Variants in VPS37A observed in about 807,000 individuals in gnomAD.
VPS37A encodes VPS37A subunit of ESCRT-I, also known as vacuolar protein sorting-associated protein 37A.
In VPS37A, 30 loss-of-function variants were observed where a neutral mutation model predicts 49.8. The ratio of observed to expected loss-of-function variants is 0.60; its 90% CI spans 0.45 to 0.82. The LOEUF (loss-of-function observed/expected upper bound fraction) is 0.82, where lower values mean the gene tolerates loss of function less well. Among genes scored for constraint, VPS37A ranks in the 40% least tolerant of loss-of-function variants. VPS37A has a pLI of 0.00. For missense variants in VPS37A, 593 were observed against 464.4 expected (o/e 1.28, Z -2.55); for synonymous variants, 195 against 160.6 (o/e 1.21, Z -1.62).
At chr8:17,247,574 C>G in intron 1 of VPS37A, 1 of 747,804 alleles carries the variant, frequency 1.3e-6, no homozygotes, top group South Asian at 1.5e-5. Flanking sequence ...TGCCGCACCA[C>G]TGCTCAGCGC....
chr8:17,305,780 G>T, downstream of VPS37A: 1 of 1,612,604 alleles, frequency 6.2e-7, no homozygotes, highest in Non-Finnish European at 8.5e-7. Context: ...TCTCCTTTTG[G>T]CTGTTACATA....
intron 4 of VPS37A, among the ~76,000 whole-genome samples, chr8:17,273,988 A>T (rs1814260979): frequency 6.6e-6 from 1 of 152,180 alleles, no homozygotes; most frequent in Non-Finnish European, 1.5e-5. Context: ...TCACTGTATT[A>T]TTCATATATT....
intron 4 of VPS37A, among the ~76,000 whole-genome samples, chr8:17,272,971 A>G (rs997694606): frequency 2.8e-5 from 4 of 142,092 alleles, no homozygotes. Flanking sequence ...AAATATATAT[A>G]GTATTGTATT....
chr8:17,275,502 C>T (rs1814434713), intron 5 of VPS37A, among the ~76,000 whole-genome samples: 2 of 152,120 alleles, frequency 1.3e-5, no homozygotes, highest in Admixed American at 6.5e-5. Context: ...GTAGATCTCT[C>T]TGGCTGCCAT....
At chr8:17,250,303 A>C (rs961165763) in intron 1 of VPS37A, among the ~76,000 whole-genome samples, 1 of 152,178 alleles carries the variant, frequency 6.6e-6, no homozygotes, top group African/African-American at 2.4e-5. Flanking sequence ...GAGCCCCAAT[A>C]CTGGCAATAT....
In VPS37A at chr8:17,284,368, G is replaced by A; in HGVS notation, c.970-105G>A. Reference sequence around the variant, plus strand: ...ATTTTCTCAAAAAGAGGCTATATAGGGCATATAATAAATTGCCTCTCCATA... The same window carrying A: ...ATTTTCTCAAAAAGAGGCTATATAGAGCATATAATAAATTGCCTCTCCATA... On this transcript the variant is annotated intron_variant, in intron 9 of 11. Coordinates refer to ENST00000324849, the MANE Select transcript of VPS37A (RefSeq NM_152415.3). The A allele has an allele frequency of 5.3e-6, 7 of 1,313,308 alleles. No individual in the cohort carries two copies. In the South Asian group the frequency reaches 1.2e-4, roughly 22 times the overall value. The allele number at this position is 1,313,308 out of a possible 1,614,324, so 81.4% of individuals were successfully genotyped here.
At chr8:17,319,131 G>A in the VPS37A span, among the ~76,000 whole-genome samples, 1 of 152,210 alleles carries the variant, frequency 6.6e-6, no homozygotes, top group South Asian at 2.1e-4. Flanking sequence ...ATGGGCAATA[G>A]CACGTAGCAA....
the VPS37A span, among the ~76,000 whole-genome samples, chr8:17,333,106 G>GC: frequency 7.2e-5 from 11 of 152,252 alleles, no homozygotes; most frequent in Non-Finnish European, 1.3e-4. Flanking sequence ...TTCAATAGCA[G>GC]CCCTGCTCCA....
intron 1 of VPS37A, among the ~76,000 whole-genome samples, chr8:17,251,447 A>G (rs1811963411): frequency 6.6e-6 from 1 of 152,228 alleles, no homozygotes; most frequent in African/African-American, 2.4e-5. Flanking sequence ...AGCACATAGT[A>G]GGCATAGGAC....
chr8:17,276,959 T>C (rs1814571277), intron 6 of VPS37A, among the ~76,000 whole-genome samples: 1 of 152,112 alleles, frequency 6.6e-6, no homozygotes, highest in Non-Finnish European at 1.5e-5. Flanking sequence ...GAACTTTGCT[T>C]CTCTAAAATG....
chr8:17,299,764 C>G (rs1238678061), downstream of VPS37A: 10 of 1,506,824 alleles, frequency 6.6e-6, no homozygotes, highest in Non-Finnish European at 9.0e-6. Context: ...TTCTCAATGA[C>G]ATGCACCATT....
Position 17,247,299 on chromosome 8 carries a change from C to T in VPS37A, c.55C>T (p.Pro19Ser). The T allele has an allele frequency of 6.4e-7, 1 of 1,565,162 alleles. No individual in the cohort carries two copies. Among genetic ancestry groups the T allele is most frequent in the Non-Finnish European group, 8.7e-7 (1 of 1,154,992 alleles). The change falls in exon 1 of 12, where the codon CCC becomes TCC. Residue 19 changes from proline to serine, a missense_variant. Physicochemically the swap from Pro to Ser is moderately conservative, Grantham distance 74 (BLOSUM62 -1). Transcript: ENST00000324849. ...KSASSSAAGSPGGLTSLQQQK... is the reference protein window; with the variant it reads ...KSASSSAAGSSGGLTSLQQQK... ...CGCCTCCTCCTCCGCGGCTGGGTCC[C>T]CCGGTGGCCTCACCAGCCTCCAGCA...
downstream of VPS37A, among the ~76,000 whole-genome samples, chr8:17,302,597 T>C (rs1004277330): frequency 2.0e-5 from 3 of 151,242 alleles, no homozygotes; most frequent in African/African-American, 4.9e-5. Flanking sequence ...GTTTTGAACT[T>C]TGAAATTGTA....
chr8:17,266,028 T>C (rs775376893), intron 2 of VPS37A, 47 bp downstream of exon 2: 2 of 1,508,048 alleles, frequency 1.3e-6, no homozygotes, highest in Non-Finnish European at 1.8e-6. Flanking sequence ...GACTTAACAG[T>C]TTTTTTATTG....
At chr8:17,286,140 T>A (rs1815563583) in intron 10 of VPS37A, among the ~76,000 whole-genome samples, 1 of 152,152 alleles carries the variant, frequency 6.6e-6, no homozygotes, top group Admixed American at 6.5e-5. Context: ...CCATTCAAAG[T>A]ATTATCTGCT....
chr8:17,254,547 T>G lies in VPS37A; in HGVS notation c.125+7178T>G, dbSNP rs77235166. ...TTTGCATTGACCTGGTTCAAGGGCTTAGAGGACCTTCAAACTGCTCCAAAC... is the reference window on the plus strand; with the variant it reads ...TTTGCATTGACCTGGTTCAAGGGCTGAGAGGACCTTCAAACTGCTCCAAAC... On this transcript the variant is annotated intron_variant, in intron 1 of 11. Coordinates refer to ENST00000324849, the MANE Select transcript of VPS37A (RefSeq NM_152415.3). Among the ~76,000 whole-genome samples the G allele has an allele frequency of 1.6e-3, 248 of 152,306 alleles. 9 individuals are homozygous for G. The East Asian group carries it at 0.046, about 28-fold the overall frequency.
chr8:17,247,126 A>T lies in VPS37A; in HGVS notation c.-119A>T. 7.2e-7 allele frequency: 1 copy of T among 1,385,182 alleles called. No homozygotes were observed. Among genetic ancestry groups the T allele is most frequent in the Non-Finnish European group, 9.9e-7 (1 of 1,015,028 alleles). 85.8% of individuals were successfully genotyped at this position (1,385,182 alleles called of 1,614,324 possible). ...CAGGCTTAGAGAAGACGCGGTCCCC[A>T]GCGCTTGGGCCACGGACGTCCCACC... On this transcript the variant is annotated 5_prime_UTR_variant, in exon 1 of 12. Coordinates refer to ENST00000324849, the MANE Select transcript of VPS37A (RefSeq NM_152415.3).
chr8:17,313,868 G>A, the VPS37A span, among the ~76,000 whole-genome samples: 4,895 of 152,268 alleles, frequency 0.032, 107 homozygotes, highest in Non-Finnish European at 0.053. Context: ...ACAAGACAGA[G>A]CGATCCTAAA....
At chr8:17,268,086 A>C (rs1341997427) in intron 2 of VPS37A, among the ~76,000 whole-genome samples, 172 bp from the exon 3 acceptor site, 1 of 152,356 alleles carries the variant, frequency 6.6e-6, no homozygotes, top group Middle Eastern at 3.4e-3. Flanking sequence ...ACCAAATTTT[A>C]GTCTTAAACA....
Sources: allele counts gnomAD v4.1 joint callset (sites outside exome capture counted in the v4.1 genomes callset), GRCh38; gene constraint gnomAD v4.1.1; transcripts MANE v1.5; gene names NCBI Gene and HGNC (gene_info 2026-07-23, HGNC 2026-07-21).